GRM7: variants seen among roughly 807,000 people sequenced by gnomAD.
GRM7 encodes the protein glutamate metabotropic receptor 7, also known as metabotropic glutamate receptor 7.
In GRM7, 35 loss-of-function variants were observed where a neutral mutation model predicts 84.5. The ratio of observed to expected loss-of-function variants is 0.41; its 90% CI spans 0.32 to 0.55. The LOEUF is 0.55. Ranked by LOEUF, GRM7 falls within the 20% of genes least tolerant of loss-of-function variation. The pLI is 0.19. For synonymous variants in GRM7, 487 were observed against 455.1 expected (o/e 1.07, Z -0.89); for missense variants, 1,003 against 1,194.6 (o/e 0.84, Z 2.36).
At chr3:7,020,145 C>A (rs1205097353) in intron 1 of GRM7, among the ~76,000 whole-genome samples, 1 of 152,148 alleles carries the variant, frequency 6.6e-6, no homozygotes, top group Non-Finnish European at 1.5e-5. Context: ...CTGCACCCTG[C>A]CAAGATAGAT....
At chr3:7,235,428 A>G (rs1210779255) in intron 2 of GRM7, among the ~76,000 whole-genome samples, 1 of 152,156 alleles carries the variant, frequency 6.6e-6, no homozygotes, top group East Asian at 1.9e-4. Flanking sequence ...CTTGGCCACC[A>G]CCAATAAGGA....
chr3:7,355,532 A>G, intron 4 of GRM7, among the ~76,000 whole-genome samples: 1 of 152,102 alleles, frequency 6.6e-6, no homozygotes, highest in East Asian at 1.9e-4. Flanking sequence ...CGTAGCAAAG[A>G]ACTGCCGTCA....
chr3:7,229,720 CACACACATATAT>C (rs1400983296), intron 2 of GRM7, among the ~76,000 whole-genome samples: 11 of 14,250 alleles, frequency 7.7e-4, no homozygotes, highest in African/African-American at 2.8e-3. Context: ...TCTCCATAGA[CACACACATATAT>C]ATATATATAT....
At chr3:7,257,929 C>G (rs543680581) in intron 2 of GRM7, among the ~76,000 whole-genome samples, 3 of 152,270 alleles carry the variant, frequency 2.0e-5, no homozygotes, top group Non-Finnish European at 4.4e-5. Context: ...TTTCCAGTCA[C>G]TTTCATGTTA....
chr3:7,289,905 G>A (rs576676879), intron 2 of GRM7, among the ~76,000 whole-genome samples: 1 of 151,914 alleles, frequency 6.6e-6, no homozygotes, highest in African/African-American at 2.4e-5. Context: ...AATACCTAAT[G>A]TAAATGATGA....
chr3:7,620,512 GAGA>G (rs769261281), intron 8 of GRM7, among the ~76,000 whole-genome samples: 65 of 152,222 alleles, frequency 4.3e-4, no homozygotes, highest in Non-Finnish European at 8.4e-4. Flanking sequence ...AGAGTGAAAT[GAGA>G]AGAACAGCAG....
At chr3:7,457,476 T>A (rs555980680) in intron 6 of GRM7, among the ~76,000 whole-genome samples, 1 of 152,292 alleles carries the variant, frequency 6.6e-6, no homozygotes, top group African/African-American at 2.4e-5. Context: ...GATTGTAAAA[T>A]CTCAAATAAT....
At chr3:7,642,502 T>C (rs577083368) in intron 8 of GRM7, among the ~76,000 whole-genome samples, 48 of 152,240 alleles carry the variant, frequency 3.2e-4, no homozygotes, top group African/African-American at 1.2e-3. Flanking sequence ...GCCTAGAAAA[T>C]GAAATACTTA....
Position 6,862,034 on chromosome 3 carries a change from G to A in GRM7, c.519+127G>A. On this transcript the variant is annotated intron_variant, in intron 1 of 9. Transcript: ENST00000357716. This position sits in a 1 kb window ranked among gnomAD's most constrained non-coding sequence, Gnocchi z 5.2. ...CGCTCATTTCCTCCCTGGAGATCCT[G>A]CCGAATCCCTCCCACCCCGCTCGAG... The A allele has an allele frequency of 1.4e-6, 1 of 736,196 alleles. No homozygotes were observed. The highest frequency in any genetic ancestry group is 2.2e-6 in the Non-Finnish European group (1 of 455,420). The allele number at this position is 736,196 out of a possible 1,614,324, so 45.6% of individuals were successfully genotyped here.
rs142080887 is a variant in GRM7, at chr3:7,337,813, T to C, written c.1033+31161T>C. On this transcript the variant is annotated intron_variant, in intron 4 of 9. Transcript: ENST00000357716. The stretch of plus-strand genomic sequence containing the variant: ...CACTTATACATTGCTGGTGGGAATG[T>C]AAACTAGTACAACCACTATAGAAAA... Among the ~76,000 whole-genome samples, 877 of 152,104 alleles carry C rather than the reference T, an allele frequency of 5.8e-3. 7 individuals are homozygous for C. Among genetic ancestry groups the C allele is most frequent in the African/African-American group, 0.02 (839 of 41,520 alleles).
At chr3:7,725,122 G>A (rs1317790971) in intron 9 of GRM7, among the ~76,000 whole-genome samples, 1 of 152,048 alleles carries the variant, frequency 6.6e-6, no homozygotes. Context: ...TAAACAAATT[G>A]GAACACTTCG....
At chr3:6,887,184 T>C (rs947540005) in intron 1 of GRM7, among the ~76,000 whole-genome samples, 3 of 152,034 alleles carry the variant, frequency 2.0e-5, no homozygotes, top group Admixed American at 2.0e-4. Flanking sequence ...GAAAGTTGAC[T>C]CTCTTTATTT....
At chr3:7,484,086 T>C (rs1699233419) in intron 7 of GRM7, among the ~76,000 whole-genome samples, 1 of 152,236 alleles carries the variant, frequency 6.6e-6, no homozygotes, top group Non-Finnish European at 1.5e-5. Context: ...TCCAGAATAG[T>C]TTTGAATAGT....
At chr3:7,528,854 T>G (rs1318378656) in intron 7 of GRM7, among the ~76,000 whole-genome samples, 1 of 152,118 alleles carries the variant, frequency 6.6e-6, no homozygotes, top group African/African-American at 2.4e-5. Flanking sequence ...TGATTTCTAT[T>G]TTTATTCCAC....
chr3:6,963,315 A>G (rs1693373014), intron 1 of GRM7, among the ~76,000 whole-genome samples: 1 of 152,228 alleles, frequency 6.6e-6, no homozygotes, highest in Non-Finnish European at 1.5e-5. Flanking sequence ...GCAACCCCAA[A>G]TATCTACTAT....
intron 7 of GRM7, among the ~76,000 whole-genome samples, chr3:7,568,138 C>T (rs1183700319): frequency 6.6e-6 from 1 of 152,172 alleles, no homozygotes; most frequent in East Asian, 1.9e-4. Flanking sequence ...CTGGAACTTC[C>T]CTTGATGGGG....
chr3:6,998,095 G>C (rs1052163213), intron 1 of GRM7, among the ~76,000 whole-genome samples: 6 of 74,966 alleles, frequency 8.0e-5, no homozygotes, highest in African/African-American at 1.1e-4. Flanking sequence ...CTCCAGCCTG[G>C]GCAAAAACAG....
intron 7 of GRM7, among the ~76,000 whole-genome samples, chr3:7,502,693 C>T (rs1397865232): frequency 2.0e-5 from 3 of 152,092 alleles, no homozygotes; most frequent in East Asian, 1.9e-4. Flanking sequence ...CTGAGAAACT[C>T]AGAGAAAATG....
At chr3:7,371,529 T>C (rs1214578854) in intron 4 of GRM7, among the ~76,000 whole-genome samples, 2 of 152,210 alleles carry the variant, frequency 1.3e-5, no homozygotes, top group East Asian at 1.9e-4. Flanking sequence ...TTAATAGTTA[T>C]AGCTAATAAT....
Sources: allele counts gnomAD v4.1 joint callset (sites outside exome capture counted in the v4.1 genomes callset), GRCh38; gene constraint gnomAD v4.1.1; non-coding constraint Gnocchi (gnomAD v3.1); transcripts MANE v1.5; gene names NCBI Gene and HGNC (gene_info 2026-07-23, HGNC 2026-07-21).